PTPN13: variants seen among roughly 807,000 people sequenced by gnomAD.
PTPN13 encodes the protein tyrosine-protein phosphatase non-receptor type 13.
In PTPN13, 191 loss-of-function variants were observed where a neutral mutation model predicts 284.0. That is an observed-to-expected ratio of 0.67 (90% CI 0.60 to 0.76). The LOEUF is 0.76. PTPN13 is among the 30% of genes least tolerant of loss of function. PTPN13 has a pLI of 0.00. For synonymous variants in PTPN13, 986 were observed against 1,022.3 expected (o/e 0.96, Z 0.68); for missense variants, 2,797 against 2,939.9 (o/e 0.95, Z 1.12).
chr4:86,598,384 A>G (rs1024908132), intron 1 of PTPN13, among the ~76,000 whole-genome samples: 4 of 152,090 alleles, frequency 2.6e-5, no homozygotes, highest in African/African-American at 9.7e-5. Flanking sequence ...ACCTCAAGCG[A>G]TCGGCCTGCC....
At position 86,713,976 on chromosome 4, in the gene PTPN13, A is replaced by T. The variant is rs142898638; in HGVS notation, c.1196-2554A>T. 3.4e-4 allele frequency among the ~76,000 whole-genome samples: 52 copies of T among 152,182 alleles called. 1 individual carries two copies. The highest frequency in any genetic ancestry group is 1.2e-3 in the African/African-American group (50 of 41,536). On this transcript the variant is annotated intron_variant, in intron 7 of 47. Coordinates refer to ENST00000411767, the MANE Select transcript of PTPN13 (RefSeq NM_080683.3). ...CCTCAGGTTTGCAGACTAGCAAAAA[A>T]GAATTCCTCACCCACCTTGATTCTC...
At chr4:86,751,726 G>A (rs537976144) in intron 19 of PTPN13, among the ~76,000 whole-genome samples, 1 of 152,256 alleles carries the variant, frequency 6.6e-6, no homozygotes, top group African/African-American at 2.4e-5. Flanking sequence ...CGATGTGAAT[G>A]AACTCTGGTA....
chr4:86,797,628 G>A (rs534627420), intron 41 of PTPN13, among the ~76,000 whole-genome samples: 10 of 152,128 alleles, frequency 6.6e-5, no homozygotes, highest in African/African-American at 1.2e-4. Flanking sequence ...GAATGAAAGC[G>A]TGACCCTAAA....
chr4:86,661,850 T>A (rs1283078746), intron 2 of PTPN13, among the ~76,000 whole-genome samples: 1 of 152,194 alleles, frequency 6.6e-6, no homozygotes, highest in Non-Finnish European at 1.5e-5. Context: ...TTCAGGCCCT[T>A]GAAAGTAAAA....
chr4:86,596,529 G>A (rs1763820158), intron 1 of PTPN13, among the ~76,000 whole-genome samples: 1 of 152,226 alleles, frequency 6.6e-6, no homozygotes, highest in South Asian at 2.1e-4. Context: ...TCCTAAATAC[G>A]GTATGTGAAT....
intron 7 of PTPN13, among the ~76,000 whole-genome samples, chr4:86,710,891 T>C (rs369958678): frequency 3.3e-5 from 5 of 152,174 alleles, no homozygotes; most frequent in African/African-American, 1.2e-4. Flanking sequence ...ATAGAATCTG[T>C]ATAACTAGAC....
intron 1 of PTPN13, among the ~76,000 whole-genome samples, chr4:86,617,739 G>T (rs1040482013): frequency 1.3e-5 from 2 of 152,170 alleles, no homozygotes; most frequent in African/African-American, 4.8e-5. Flanking sequence ...CTTTTGAGAA[G>T]TGTCTGTTGA....
At chr4:86,610,146 A>G (rs1367156856) in intron 1 of PTPN13, among the ~76,000 whole-genome samples, 1 of 152,034 alleles carries the variant, frequency 6.6e-6, no homozygotes. Flanking sequence ...CCCAGGAGGC[A>G]GAGGTTGCGG....
chr4:86,740,853 C>G (rs534594148), intron 15 of PTPN13, among the ~76,000 whole-genome samples: 1 of 152,100 alleles, frequency 6.6e-6, no homozygotes, highest in Admixed American at 6.5e-5. Flanking sequence ...AATCATCTCT[C>G]TCAAGTTGAA....
At chr4:86,782,083 T>C in intron 36 of PTPN13, 118 bp from the exon 37 acceptor site, 1 of 637,834 alleles carries the variant, frequency 1.6e-6, no homozygotes, top group African/African-American at 1.9e-5. Context: ...TATGAATTAT[T>C]TTTGTGTACT....
intron 2 of PTPN13, among the ~76,000 whole-genome samples, chr4:86,657,679 C>A (rs2148834565): frequency 6.6e-6 from 1 of 152,314 alleles, no homozygotes; most frequent in East Asian, 1.9e-4. Context: ...ACCATGACCA[C>A]TTTAGTCAGC....
At chr4:86,610,692 A>G (rs1765186829) in intron 1 of PTPN13, among the ~76,000 whole-genome samples, 1 of 152,194 alleles carries the variant, frequency 6.6e-6, no homozygotes, top group Non-Finnish European at 1.5e-5. Context: ...TGGAATGCAA[A>G]TTTACACTTT....
At chr4:86,638,318 G>T (rs1450957108) in intron 2 of PTPN13, among the ~76,000 whole-genome samples, 1 of 152,062 alleles carries the variant, frequency 6.6e-6, no homozygotes, top group African/African-American at 2.4e-5. Flanking sequence ...CCCAGAATAG[G>T]AAAAAACTAC....
intron 14 of PTPN13, among the ~76,000 whole-genome samples, chr4:86,735,339 C>A (rs540056063): frequency 4.6e-5 from 7 of 152,150 alleles, no homozygotes; most frequent in Non-Finnish European, 7.4e-5. Context: ...TCCTTCACAA[C>A]GTTCATCCTA....
intron 33 of PTPN13, 84 bp from the exon 34 acceptor site, chr4:86,775,087 G>A: frequency 1.1e-6 from 1 of 934,986 alleles, no homozygotes; most frequent in Admixed American, 3.2e-5. Flanking sequence ...TTATAAATTA[G>A]GAGGATTATT....
chr4:86,674,665 A>G (rs1450233726), intron 3 of PTPN13, among the ~76,000 whole-genome samples: 1 of 152,188 alleles, frequency 6.6e-6, no homozygotes, highest in Non-Finnish European at 1.5e-5. Flanking sequence ...GTTATAAGGT[A>G]GGGGTAATGC....
rs760367795 is a variant in PTPN13, at chr4:86,722,414, A to G, written c.1588A>G (p.Met530Val). 3.7e-6 allele frequency: 6 copies of G among 1,612,980 alleles called. No individual in the cohort carries two copies. In the African/African-American group the frequency reaches 4.0e-5, roughly 11 times the overall value. ...AAGAGAAATTGCCCTAGAAACAGCC[A>G]TGACTCAAAGAAAACTGAGGGTAAG... ...PLREIALETA[M>V]TQRKLRNFFG... is the part of the protein sequence containing the mutation. Residue 530 changes from methionine to valine, a missense_variant, in exon 10 of 48, where the codon ATG (methionine) becomes GTG (valine). Physicochemically the swap from Met to Val is conservative, Grantham distance 21. Coordinates refer to ENST00000411767, the MANE Select transcript of PTPN13 (RefSeq NM_080683.3).
chr4:86,764,596 T>C lies in PTPN13; in HGVS notation c.4021T>C (p.Ser1341Pro). 3 of 1,483,010 alleles carry C rather than the reference T, an allele frequency of 2.0e-6. No homozygotes were observed. The highest frequency in any genetic ancestry group is 2.7e-6 in the Non-Finnish European group (3 of 1,114,806). The allele number at this position is 1,483,010 out of a possible 1,614,324, so 91.9% of individuals were successfully genotyped here. A position where few individuals can be genotyped will look rare whatever the true frequency, so the allele number is the denominator to read the frequency against. ...TTGTTTGTTTTTCTTTGTTAAGGAA[T>C]CTTCCTCTTCAGTGAATACATCCAA... ...SQDHQTPKQE[S>P]SSSVNTSNKM... The change falls in exon 25 of 48, where the codon TCT (serine) becomes CCT (proline). Residue 1341 changes from serine (S) to proline (P), a missense_variant. Physicochemically the swap from Ser to Pro is moderately conservative, Grantham distance 74. Transcript: ENST00000411767.
rs373393395 is a variant in PTPN13 at position 86,732,468 on chromosome 4, T to C, written c.1677T>C (p.Ser559=). The C allele has an allele frequency of 6.1e-5, 98 of 1,600,848 alleles. No individual in the cohort carries two copies. Among genetic ancestry groups the C allele is most frequent in the Non-Finnish European group, 7.2e-5 (84 of 1,172,478 alleles). ...EPFISLDLPR[S]ILTKKGKNED... ...TTATATCTTTGGATTTGCCACGGTC[T>C]ATTCTTGTAAGTAATAAAACCAATT... Residue 559 remains serine, a synonymous_variant, in exon 11 of 48, where the codon TCT becomes TCC. Transcript: ENST00000411767.
Sources: gnomAD v4.1 joint callset for allele counts (sites outside exome capture counted in the v4.1 genomes callset) on GRCh38, gnomAD v4.1.1 for gene constraint, MANE v1.5 for transcripts, NCBI Gene and HGNC (gene_info 2026-07-23, HGNC 2026-07-21) for gene names.